The following NTM variants were observed in gnomAD, a reference collection of about 807,000 sequenced individuals.
NTM encodes the protein IgLON family member 2.
In NTM, 13 loss-of-function variants were observed where a neutral mutation model predicts 42.1. The observed-to-expected ratio is 0.31, with a 90% CI of 0.20 to 0.49. NTM has a LOEUF of 0.49. NTM is among the 20% of genes least tolerant of loss of function. The pLI, the probability that NTM is intolerant of heterozygous loss-of-function variation, is 0.99. For missense variants in NTM, 373 were observed against 452.8 expected, an observed-to-expected ratio of 0.82 and a Z score of 1.60; for synonymous variants, 187 against 179.2, an observed-to-expected ratio of 1.04 and a Z score of -0.35.
chr11:131,992,516 A>C (rs2067211304), intron 2 of NTM, among the ~76,000 whole-genome samples: 1 of 152,008 alleles, frequency 6.6e-6, no homozygotes, highest in Admixed American at 6.6e-5. Flanking sequence ...TTTGCTTCAA[A>C]AACAGGCACC....
chr11:132,239,511 A>G (rs948075697), intron 4 of NTM, among the ~76,000 whole-genome samples: 4 of 152,220 alleles, frequency 2.6e-5, no homozygotes, highest in African/African-American at 7.2e-5. Flanking sequence ...TCAGTTTACC[A>G]TGTTCATCTG....
At chr11:131,476,781 T>C (rs61295114) in intron 1 of NTM, among the ~76,000 whole-genome samples, 1,457 of 91,488 alleles carry the variant, frequency 0.016, 38 homozygotes, top group African/African-American at 0.047. Context: ...CCCCTTCTCC[T>C]ACTCAGCCCA....
intron 2 of NTM, among the ~76,000 whole-genome samples, chr11:132,015,964 A>G (rs900807284): frequency 6.6e-6 from 1 of 151,872 alleles, no homozygotes; most frequent in African/African-American, 2.4e-5. Context: ...GTTGAATAGG[A>G]GTAGTGAAAG....
chr11:131,944,861 G>C (rs778141893), intron 2 of NTM, among the ~76,000 whole-genome samples: 4 of 152,162 alleles, frequency 2.6e-5, no homozygotes, highest in Admixed American at 6.5e-5. Context: ...CCAAAACACT[G>C]CTCCTGGGAT....
chr11:132,006,166 A>G (rs1438342396), intron 2 of NTM, among the ~76,000 whole-genome samples: 1 of 152,170 alleles, frequency 6.6e-6, no homozygotes, highest in Non-Finnish European at 1.5e-5. Context: ...AAGGATGTGT[A>G]GGAGTTGACA....
intron 1 of NTM, among the ~76,000 whole-genome samples, chr11:131,791,229 G>A (rs1257624943): frequency 2.0e-5 from 3 of 152,210 alleles, no homozygotes; most frequent in African/African-American, 7.2e-5. Context: ...AAAGTAGTAA[G>A]GTGTATGATA....
chr11:131,471,351 T>G (rs931434551), intron 1 of NTM, among the ~76,000 whole-genome samples: 28 of 152,206 alleles, frequency 1.8e-4, no homozygotes, highest in Admixed American at 5.9e-4. Context: ...TCAGGCACTG[T>G]CCTAGGAGAT....
At chr11:132,181,954 G>GTTT (rs1231013481) in intron 3 of NTM, among the ~76,000 whole-genome samples, 1 of 81,830 alleles carries the variant, frequency 1.2e-5, no homozygotes, top group African/African-American at 4.4e-5. Flanking sequence ...ACACTATCTA[G>GTTT]TTTATTATTA....
In NTM at chr11:131,798,276, T is replaced by C. The variant is rs915192744; in HGVS notation, c.83-113288T>C. On this transcript the variant is annotated intron_variant, in intron 1 of 8. Coordinates refer to ENST00000683400, the MANE Select transcript of NTM (RefSeq NM_001352005.2). ...GGCATCTGTCTGCTCCTCTTCCCAG[T>C]CGCCATTGTTATCATGGACGTAGCC... is the stretch of plus-strand genomic sequence containing the variant. Among the ~76,000 whole-genome samples, 21 of 152,232 alleles carry C rather than the reference T, an allele frequency of 1.4e-4. 1 individual carries two copies. Among genetic ancestry groups the C allele is most frequent in the African/African-American group, 5.1e-4 (21 of 41,454 alleles).
intron 1 of NTM, among the ~76,000 whole-genome samples, chr11:131,643,409 A>G (rs988757322): frequency 2.0e-5 from 3 of 152,168 alleles, no homozygotes; most frequent in African/African-American, 7.2e-5. Flanking sequence ...CAGCATGAGC[A>G]CTGTGTACTC....
Position 132,009,417 on chromosome 11 carries a change from C to T in NTM, c.167+97769C>T, listed in dbSNP as rs190873204. Among the ~76,000 whole-genome samples the T allele has an allele frequency of 1.4e-3, 215 of 152,274 alleles. 1 individual carries two copies. Among genetic ancestry groups the T allele is most frequent in the African/African-American group, 5.1e-3 (210 of 41,548 alleles). On this transcript the variant is annotated intron_variant, in intron 2 of 8. Transcript: ENST00000683400. The stretch of plus-strand genomic sequence containing the variant: ...GTGCCGATGTAAAGCCAGATTGAGC[C>T]TAAGAGAAAGAGTGTGAGCAGAAGA...
chr11:132,325,591 T>A (rs1485308282), intron 7 of NTM, among the ~76,000 whole-genome samples: 1 of 151,960 alleles, frequency 6.6e-6, no homozygotes, highest in South Asian at 2.1e-4. Flanking sequence ...AGTTCAACCA[T>A]TGTGGAAGTC....
intron 1 of NTM, among the ~76,000 whole-genome samples, chr11:131,753,396 T>A (rs2082837153): frequency 6.6e-6 from 1 of 151,538 alleles, no homozygotes; most frequent in African/African-American, 2.4e-5. Flanking sequence ...ACTGGGTATA[T>A]AACCAAAAGG....
chr11:132,248,576 A>T (rs1435556428), intron 4 of NTM, among the ~76,000 whole-genome samples: 2 of 152,162 alleles, frequency 1.3e-5, no homozygotes, highest in East Asian at 3.9e-4. Context: ...CTGCCATGCA[A>T]ATCAGAAGTG....
chr11:132,049,415 C>A (rs1029708310), intron 2 of NTM, among the ~76,000 whole-genome samples: 1 of 152,186 alleles, frequency 6.6e-6, no homozygotes, highest in Non-Finnish European at 1.5e-5. Flanking sequence ...CCATGCCAGT[C>A]TCCTCCCTGG....
At chr11:132,085,367 A>C (rs1440287677) in intron 2 of NTM, among the ~76,000 whole-genome samples, 1 of 152,208 alleles carries the variant, frequency 6.6e-6, no homozygotes, top group Non-Finnish European at 1.5e-5. Flanking sequence ...TCCTTCTTGC[A>C]TGGTGAAGGG....
chr11:131,996,241 A>G (rs2067991190), intron 2 of NTM, among the ~76,000 whole-genome samples: 1 of 152,022 alleles, frequency 6.6e-6, no homozygotes, highest in Non-Finnish European at 1.5e-5. Flanking sequence ...AATGGATTGG[A>G]TGAGTCCAAA....
intron 1 of NTM, among the ~76,000 whole-genome samples, chr11:131,442,066 G>A (rs151057266): frequency 7.1e-4 from 108 of 152,288 alleles, no homozygotes; most frequent in Middle Eastern, 3.4e-3. Flanking sequence ...GATATCTCAC[G>A]CTCTTCAGCA....
At chr11:132,257,860 A>G (rs2092600779) in intron 4 of NTM, among the ~76,000 whole-genome samples, 1 of 152,180 alleles carries the variant, frequency 6.6e-6, no homozygotes, top group Admixed American at 6.5e-5. Flanking sequence ...TCCCCGTGAG[A>G]CACAGCTCAT....
Sources: allele counts gnomAD v4.1 joint callset (sites outside exome capture counted in the v4.1 genomes callset), GRCh38; gene constraint gnomAD v4.1.1; transcripts MANE v1.5; gene names NCBI Gene and HGNC (gene_info 2026-07-23, HGNC 2026-07-21).